GNAT2: variants seen among roughly 807,000 people sequenced by gnomAD.
The protein encoded by GNAT2 is guanine nucleotide-binding protein G(t) subunit alpha-2.
In GNAT2, 32 loss-of-function variants were observed where a neutral mutation model predicts 40.9. That is an observed-to-expected ratio of 0.78 (90% CI 0.59 to 1.05). The LOEUF (loss-of-function observed/expected upper bound fraction) is 1.05. Ranked by LOEUF, GNAT2 falls within the 50% of genes least tolerant of loss-of-function variation. The pLI, the probability that GNAT2 is intolerant of heterozygous loss-of-function variation, is 0.00. For missense variants in GNAT2, 355 were observed against 431.5 expected (o/e 0.82, Z 1.57); for synonymous variants, 141 against 157.2 (o/e 0.90, Z 0.77).
intron 1 of GNAT2, among the ~76,000 whole-genome samples, chr1:109,619,237 C>A (rs1236747350): frequency 6.6e-6 from 1 of 152,186 alleles, no homozygotes; most frequent in Non-Finnish European, 1.5e-5. Context: ...ACAGGCCAGG[C>A]ACAGTTCTAA....
Position 109,615,615 on chromosome 1 carries a change from A to AG in GNAT2, c.-53-2693_-53-2692insC. 1.2e-4 allele frequency: 5 copies of AG among 40,438 alleles called. 1 individual carries two copies. In the South Asian group the frequency reaches 2.9e-3, roughly 24 times the overall value. 2.5% of individuals were successfully genotyped at this position (40,438 alleles called of 1,614,324 possible). A position where few individuals can be genotyped will look rare whatever the true frequency, so the allele number is the denominator to read the frequency against. ...GAGCAAGATTCCGTCTCAGAAAAAA[A>AG]AAAAAAAAAGAAAAGAAAAGAAAAG... On this transcript the variant is annotated intron_variant, in intron 1 of 8. Transcript: ENST00000679935.
In GNAT2 at chr1:109,603,523, G is replaced by A. The variant is rs200056419; in HGVS notation, c.896C>T (p.Ala299Val). Residue 299 changes from alanine to valine, a missense_variant, in exon 9 of 9, where the codon GCG (alanine) becomes GTG (valine). Coordinates refer to ENST00000679935, the MANE Select transcript of GNAT2 (RefSeq NM_001377295.2). ...EYDGNNSYDD[A>V]GNYIKSQFLD... Reference sequence around the variant, plus strand: ...GAACTGGCTCTTTATGTAATTCCCCGCATCATCATAGGAGTTGTTACCTGG... The same window carrying A: ...GAACTGGCTCTTTATGTAATTCCCCACATCATCATAGGAGTTGTTACCTGG... The A allele has an allele frequency of 8.3e-5, 134 of 1,608,886 alleles. No individual in the cohort carries two copies. Among genetic ancestry groups the A allele is most frequent in the Non-Finnish European group, 1.1e-4 (128 of 1,175,484 alleles).
Position 109,604,007 on chromosome 1 carries a change from A to T in GNAT2, c.818T>A (p.Leu273His), listed in dbSNP as rs368906691. 7.1e-5 allele frequency: 115 copies of T among 1,609,392 alleles called. No homozygotes were observed. Among genetic ancestry groups the T allele is most frequent in the Non-Finnish European group, 9.4e-5 (111 of 1,175,812 alleles). The change falls in exon 8 of 9, where the codon CTC becomes CAC. Residue 273 changes from leucine to histidine, a missense_variant. Leu to His is a moderately conservative substitution (Grantham distance 99). Coordinates refer to ENST00000679935, the MANE Select transcript of GNAT2 (RefSeq NM_001377295.2). The part of the protein sequence containing the change: ...SIVLFLNKKD[L>H]FEEKIKKVHL... Reference sequence around the variant, plus strand: ...GACTTTCTTGATTTTTTCCTCAAAGAGGTCCTTCTTGTTGAGAAAGAGGAC... The same window carrying T: ...GACTTTCTTGATTTTTTCCTCAAAGTGGTCCTTCTTGTTGAGAAAGAGGAC...
intron 1 of GNAT2, chr1:109,615,600 C>T (rs1649928503): frequency 1.4e-5 from 1 of 70,620 alleles, no homozygotes; most frequent in Non-Finnish European, 3.2e-5. Flanking sequence ...GAGCAAGATT[C>T]CGTCTCAGAA....
intron 5 of GNAT2, 50 bp downstream of exon 5, chr1:109,608,581 G>T (rs370428151): frequency 2.5e-6 from 4 of 1,569,130 alleles, no homozygotes; most frequent in Non-Finnish European, 3.5e-6. Flanking sequence ...GAGAAGACTG[G>T]CTAGAAGATT....
chr1:109,604,126 G>A, intron 7 of GNAT2, 22 bp from the exon 8 acceptor site: 13 of 1,590,830 alleles, frequency 8.2e-6, no homozygotes, highest in Non-Finnish European at 1.1e-5. Context: ...AAACACCATT[G>A]GAAATATCAG....
chr1:109,617,992 G>C (rs1649998079), intron 1 of GNAT2: 1 of 152,204 alleles, frequency 6.6e-6, no homozygotes, highest in Non-Finnish European at 1.5e-5. Flanking sequence ...AATAGTTTAA[G>C]TCTGGGGTTA....
At chr1:109,604,410 G>GA (rs1336141714) in intron 7 of GNAT2, 1 of 396,560 alleles carries the variant, frequency 2.5e-6, no homozygotes, top group Non-Finnish European at 4.8e-6. Context: ...ATAGTGGCTG[G>GA]CATATAGGTC....
rs1469063456 is a variant in GNAT2 at position 109,603,435 on chromosome 1, A to G, written c.984T>C (p.Asp328=). ...CAAACACAAATTTGACATTCTGTGT[A>G]TCTGTAGCACAGGTCATGTGACTGT... ...EIYSHMTCAT[D]TQNVKFVFDA... is the part of the protein sequence containing the mutation. The change falls in exon 9 of 9, where the codon GAT becomes GAC. Residue 328 remains aspartate, a synonymous_variant. Coordinates refer to ENST00000679935, the MANE Select transcript of GNAT2 (RefSeq NM_001377295.2). 4 of 1,598,304 alleles carry G rather than the reference A, an allele frequency of 2.5e-6. No homozygotes were observed. Among genetic ancestry groups the G allele is most frequent in the Non-Finnish European group, 3.4e-6 (4 of 1,165,696 alleles).
At chr1:109,612,556 G>A in intron 2 of GNAT2, 197 bp downstream of exon 2, 2 of 615,178 alleles carry the variant, frequency 3.3e-6, no homozygotes, top group South Asian at 3.5e-5. Flanking sequence ...TTGGCATTCT[G>A]GATCCCCTTG....
chr1:109,604,002 C>G lies in GNAT2; in HGVS notation c.823G>C (p.Glu275Gln). 6.2e-7 allele frequency: 1 copy of G among 1,610,766 alleles called. No individual in the cohort carries two copies. The highest frequency in any genetic ancestry group is 8.5e-7 in the Non-Finnish European group (1 of 1,177,000). ...AGATGGACTTTCTTGATTTTTTCCT[C>G]AAAGAGGTCCTTCTTGTTGAGAAAG... ...VLFLNKKDLF[E>Q]EKIKKVHLSI... The change falls in exon 8 of 9, where the codon GAG (glutamate) becomes CAG (glutamine). Residue 275 changes from glutamate (E) to glutamine (Q), a missense_variant. By Grantham distance (29) the Glu-to-Gln change is conservative. Transcript: ENST00000679935.
At chr1:109,604,353 G>C (rs1649529474) in intron 7 of GNAT2, 2 of 511,846 alleles carry the variant, frequency 3.9e-6, no homozygotes, top group South Asian at 4.1e-5. Context: ...CTATCTTATA[G>C]GGTTACAATG....
In GNAT2 at chr1:109,603,337, C is replaced by T. The variant is rs761036874; in HGVS notation, c.*17G>A. The T allele has an allele frequency of 1.4e-6, 2 of 1,445,474 alleles. No individual in the cohort carries two copies. The highest frequency in any genetic ancestry group is 2.2e-4 in the Middle Eastern group (1 of 4,578). 89.5% of individuals were successfully genotyped at this position (1,445,474 alleles called of 1,614,324 possible). A position where few individuals can be genotyped will look rare whatever the true frequency, so the allele number is the denominator to read the frequency against. On this transcript the variant is annotated 3_prime_UTR_variant, in exon 9 of 9. Transcript: ENST00000679935. ...CCAAGCCTGTTTATAGAACTTATAC[C>T]TGAGGAATGGTGAGGATTAGAAGAG...
intron 3 of GNAT2, 53 bp downstream of exon 3, chr1:109,610,412 C>T: frequency 6.5e-7 from 1 of 1,535,262 alleles, no homozygotes; most frequent in Non-Finnish European, 9.0e-7. Flanking sequence ...CCTCCACTGG[C>T]TGTACTGACT....
chr1:109,613,277 T>C (rs1232254557), intron 1 of GNAT2: 1 of 293,234 alleles, frequency 3.4e-6, no homozygotes, highest in African/African-American at 2.2e-5. Context: ...TGAAAGTCTC[T>C]TGCTTCCTTA....
chr1:109,606,138 C>T, intron 6 of GNAT2, 39 bp from the exon 7 acceptor site: 1 of 1,612,416 alleles, frequency 6.2e-7, no homozygotes, highest in Non-Finnish European at 8.5e-7. Flanking sequence ...GTATGCCCAA[C>T]ATACGACCTA....
At chr1:109,608,990 C>T in intron 4 of GNAT2, 1 of 636,568 alleles carries the variant, frequency 1.6e-6, no homozygotes, top group Admixed American at 2.2e-5. Flanking sequence ...GCACTATACC[C>T]AGCCCTGGGG....
chr1:109,614,599 G>A (rs529722078), intron 1 of GNAT2: 4 of 152,306 alleles, frequency 2.6e-5, no homozygotes, highest in Middle Eastern at 6.8e-3. Flanking sequence ...ATTTAAAAAC[G>A]TCCCCAGCTG....
intron 5 of GNAT2, 190 bp from the exon 6 acceptor site, chr1:109,606,626 C>T (rs1223631287): frequency 3.5e-6 from 2 of 579,268 alleles, no homozygotes; most frequent in Non-Finnish European, 3.1e-6. Flanking sequence ...GGGGGATGGA[C>T]TGAGGGACAA....
Sources: gnomAD v4.1 joint callset for allele counts (sites outside exome capture counted in the v4.1 genomes callset) on GRCh38, gnomAD v4.1.1 for gene constraint, MANE v1.5 for transcripts, NCBI Gene and HGNC (gene_info 2026-07-23, HGNC 2026-07-21) for gene names.